AP1G1: variants seen among roughly 807,000 people sequenced by gnomAD.
AP1G1 encodes adaptor related protein complex 1 subunit gamma 1, also known as AP-1 complex subunit gamma-1.
A neutral mutation model predicts 108.3 loss-of-function variants in AP1G1; 7 were observed. That is an observed-to-expected ratio of 0.06 (90% CI 0.04 to 0.12). AP1G1 has a LOEUF of 0.12. Ranked by LOEUF, AP1G1 falls within the 10% of genes least tolerant of loss-of-function variation. The pLI, the probability that AP1G1 is intolerant of heterozygous loss-of-function variation, is 1.00. For synonymous variants in AP1G1, 379 were observed against 353.5 expected, an observed-to-expected ratio of 1.07 and a Z score of -0.81; for missense variants, 756 against 1,010.7, an observed-to-expected ratio of 0.75 and a Z score of 3.42.
intron 2 of AP1G1, among the ~76,000 whole-genome samples, chr16:71,776,720 A>G (rs1358473733): frequency 6.6e-6 from 1 of 152,204 alleles, no homozygotes; most frequent in Non-Finnish European, 1.5e-5. Flanking sequence ...GGAATAGGAC[A>G]TACTCTTAGG....
At chr16:71,761,701 G>T in intron 9 of AP1G1, 134 bp from the exon 10 acceptor site, 1 of 659,998 alleles carries the variant, frequency 1.5e-6, no homozygotes, top group South Asian at 2.1e-5. Flanking sequence ...TGGGTGCGGT[G>T]GCTCACGCCT....
At chr16:71,799,885 C>T (rs1009019291) in intron 1 of AP1G1, among the ~76,000 whole-genome samples, 2 of 147,516 alleles carry the variant, frequency 1.4e-5, no homozygotes, top group African/African-American at 2.5e-5. Flanking sequence ...CGTGACAGAG[C>T]GAGGTTCCAT....
At chr16:71,749,063 C>T (rs1355585976) in intron 15 of AP1G1, among the ~76,000 whole-genome samples, 7 of 152,058 alleles carry the variant, frequency 4.6e-5, no homozygotes, top group Admixed American at 2.6e-4. Flanking sequence ...CCTGCCACCA[C>T]GCCCGGCCAA....
intron 6 of AP1G1, chr16:71,767,899 G>T (rs2031379563): frequency 2.5e-6 from 4 of 1,599,026 alleles, no homozygotes; most frequent in Non-Finnish European, 3.4e-6. Context: ...ACATACAGCA[G>T]GATTCCAAAC....
rs1383825234 is a variant in AP1G1, at chr16:71,796,516, T to TC, written c.-3-7035dup. 8.6e-5 allele frequency among the ~76,000 whole-genome samples: 13 copies of TC among 152,024 alleles called. No individual in the cohort carries two copies. In the South Asian group the frequency reaches 1.0e-3, roughly 12 times the overall value. On this transcript the variant is annotated intron_variant, in intron 1 of 22. Coordinates refer to ENST00000299980, the MANE Select transcript of AP1G1 (RefSeq NM_001128.6). ...ACAAGTAATTCAGGAGAAAAGCATA[T>TC]CCCCCCCTTGTGAATTACAATACTA...
chr16:71,759,027 A>T (rs2030945071), intron 10 of AP1G1, 106 bp from the exon 11 acceptor site: 1 of 646,146 alleles, frequency 1.5e-6, no homozygotes, highest in African/African-American at 1.9e-5. Context: ...AAGAGAAAGC[A>T]TACATTTTTA....
intron 1 of AP1G1, among the ~76,000 whole-genome samples, chr16:71,798,460 A>G (rs1444368287): frequency 1.3e-5 from 2 of 151,926 alleles, no homozygotes; most frequent in Non-Finnish European, 2.9e-5. Flanking sequence ...CGGCCTCCCA[A>G]AGTGCTGGGA....
In AP1G1 at chr16:71,746,695, A is replaced by G. The variant is rs1161866982; in HGVS notation, c.1626-3T>C. On this transcript the variant is annotated splice_polypyrimidine_tract_variant and splice_region_variant and intron_variant, in intron 16 of 22. Coordinates refer to ENST00000299980, the MANE Select transcript of AP1G1 (RefSeq NM_001128.6). ...TGGAAACCACTTTCTTAATTCGGCT[A>G]TAGATAAAATGACAAACGAAATAAA... The G allele has an allele frequency of 6.2e-7, 1 of 1,604,776 alleles. No homozygotes were observed. Among genetic ancestry groups the G allele is most frequent in the Non-Finnish European group, 8.5e-7 (1 of 1,174,336 alleles).
At position 71,729,894 on chromosome 16, in the gene AP1G1, T is replaced by A. The variant is rs1361025848; in HGVS notation, c.*3164A>T. On this transcript the variant is annotated 3_prime_UTR_variant, in exon 23 of 23. Transcript: ENST00000299980. ...CCTAGTTCTCATGGCCCAAATATTTTCCAATGCAGAAGATAATGAAGTTGA... is the reference window on the plus strand; with the variant it reads ...CCTAGTTCTCATGGCCCAAATATTTACCAATGCAGAAGATAATGAAGTTGA... 1 of 152,588 alleles carries A rather than the reference T, an allele frequency of 6.6e-6. No homozygotes were observed. Among genetic ancestry groups the A allele is most frequent in the Admixed American group, 6.5e-5 (1 of 15,272 alleles). 9.5% of individuals were successfully genotyped at this position (152,588 alleles called of 1,614,324 possible).
chr16:71,745,157 G>A lies in AP1G1; in HGVS notation c.1986C>T (p.Asp662=), dbSNP rs2030106363. The change falls in exon 19 of 23, where the codon GAC becomes GAT. Residue 662 remains aspartate (D), a synonymous_variant. Transcript: ENST00000299980. ...AGGELLDLLG[D]INLTGAPAAA... Reference sequence around the variant, plus strand: ...AGACTGCCTCACCTGTAAGGTTGATGTCTCCCAGCAAATCAAGAAGTTCTC... The same window carrying A: ...AGACTGCCTCACCTGTAAGGTTGATATCTCCCAGCAAATCAAGAAGTTCTC... 1.9e-6 allele frequency: 3 copies of A among 1,614,120 alleles called. No individual in the cohort carries two copies. Among genetic ancestry groups the A allele is most frequent in the Non-Finnish European group, 2.5e-6 (3 of 1,180,028 alleles).
At chr16:71,760,455 GA>G (rs1299898730) in intron 10 of AP1G1, among the ~76,000 whole-genome samples, 5 of 150,614 alleles carry the variant, frequency 3.3e-5, no homozygotes, top group Non-Finnish European at 5.9e-5. Context: ...TGAGGCAAGA[GA>G]ATCGCTTGAA....
chr16:71,794,560 T>C (rs956894669), intron 1 of AP1G1, among the ~76,000 whole-genome samples: 16 of 152,114 alleles, frequency 1.1e-4, no homozygotes, highest in Non-Finnish European at 1.5e-5. Flanking sequence ...ATAAAATTCA[T>C]TTTAGAAAAA....
intron 6 of AP1G1, chr16:71,766,512 A>T: frequency 2.3e-6 from 1 of 444,122 alleles, no homozygotes; most frequent in Admixed American, 2.6e-5. Flanking sequence ...TATGTTTCCA[A>T]CTAAAAACTC....
chr16:71,765,726 A>G, intron 6 of AP1G1, 142 bp from the exon 7 acceptor site: 1 of 639,232 alleles, frequency 1.6e-6, no homozygotes, highest in East Asian at 3.0e-5. Context: ...TGTATTGTAG[A>G]TGTTTGATAA....
intron 2 of AP1G1, among the ~76,000 whole-genome samples, chr16:71,778,297 T>A (rs2031866959): frequency 6.6e-6 from 1 of 152,208 alleles, no homozygotes; most frequent in South Asian, 2.1e-4. Context: ...TAGCATCTGA[T>A]ATATACACTC....
intron 2 of AP1G1, among the ~76,000 whole-genome samples, chr16:71,787,787 C>T (rs2032260820): frequency 6.6e-6 from 1 of 152,116 alleles, no homozygotes; most frequent in African/African-American, 2.4e-5. Context: ...AACATCAGAG[C>T]CTCAGGGTTT....
intron 2 of AP1G1, among the ~76,000 whole-genome samples, chr16:71,779,682 A>G (rs1180264064): frequency 6.6e-6 from 1 of 152,082 alleles, no homozygotes; most frequent in East Asian, 1.9e-4. Flanking sequence ...TTTCAAAGCT[A>G]TTTTACGAAG....
intron 10 of AP1G1, 119 bp downstream of exon 10, chr16:71,761,393 A>T: frequency 1.3e-6 from 1 of 768,926 alleles, no homozygotes; most frequent in Admixed American, 2.4e-5. Flanking sequence ...AAAACATAAA[A>T]ATTCTGAGCT....
At chr16:71,735,141 C>T (rs1053178036) in intron 21 of AP1G1, among the ~76,000 whole-genome samples, 1 of 152,198 alleles carries the variant, frequency 6.6e-6, no homozygotes, top group African/African-American at 2.4e-5. Flanking sequence ...TGGTCACCAA[C>T]TATAAGCTTT....
Sources: allele counts gnomAD v4.1 joint callset (sites outside exome capture counted in the v4.1 genomes callset), GRCh38; gene constraint gnomAD v4.1.1; transcripts MANE v1.5; gene names NCBI Gene and HGNC (gene_info 2026-07-23, HGNC 2026-07-21).